Variants in ZNF462 observed in about 807,000 individuals in gnomAD.
The protein encoded by ZNF462 is zinc finger PBX1-interacting protein.
ZNF462 carries 10 observed loss-of-function variants against 201.9 expected under a neutral mutation model. The ratio of observed to expected loss-of-function variants is 0.05; its 90% confidence interval spans 0.03 to 0.08. The LOEUF is 0.08. Ranked by LOEUF, ZNF462 falls within the 10% of genes least tolerant of loss-of-function variation. ZNF462 has a pLI of 1.00. For missense variants in ZNF462, 2,523 were observed against 3,168.3 expected (o/e 0.80, Z 4.89); for synonymous variants, 1,227 against 1,193.3 (o/e 1.03, Z -0.58).
In ZNF462 at chr9:106,923,518, A is replaced by T; in HGVS notation, c.135A>T (p.Arg45=). The change falls in exon 2 of 13, where the codon CGA becomes CGT. Residue 45 remains arginine (R), a synonymous_variant. Coordinates refer to ENST00000277225, the MANE Select transcript of ZNF462 (RefSeq NM_021224.6). This position sits in a 1 kb window ranked among gnomAD's most constrained non-coding sequence, Gnocchi z 5.6. ...DVAEDNVNEL[R]CGSVNASNQT... ...CTGAGGACAATGTGAATGAGCTACG[A>T]TGTGGGTCCGTGAATGCCAGTAATC... 6.2e-7 allele frequency: 1 copy of T among 1,614,224 alleles called. No homozygotes were observed. Among genetic ancestry groups the T allele is most frequent in the South Asian group, 1.1e-5 (1 of 91,084 alleles).
At chr9:106,982,469 A>G (rs1827511364) in intron 9 of ZNF462, among the ~76,000 whole-genome samples, 1 of 152,184 alleles carries the variant, frequency 6.6e-6, no homozygotes, top group Non-Finnish European at 1.5e-5. Context: ...AAGATTTACT[A>G]GTTTATGCCA....
chr9:106,878,283 G>T (rs990194208), intron 1 of ZNF462, among the ~76,000 whole-genome samples: 13 of 152,172 alleles, frequency 8.5e-5, no homozygotes, highest in Non-Finnish European at 2.9e-5. Flanking sequence ...CCTGCCAGGG[G>T]CCCAATAAAT....
chr9:106,932,645 C>T lies in ZNF462; in HGVS notation c.6116+96C>T. 1 of 1,507,494 alleles carries T rather than the reference C, an allele frequency of 6.6e-7. No individual in the cohort carries two copies. 93.4% of individuals were successfully genotyped at this position (1,507,494 alleles called of 1,614,324 possible). On this transcript the variant is annotated intron_variant, in intron 5 of 12. Coordinates refer to ENST00000277225, the MANE Select transcript of ZNF462 (RefSeq NM_021224.6). The surrounding 1 kb of genome is among the most constrained non-coding windows in gnomAD (Gnocchi z 6.8). Reference sequence around the variant, plus strand: ...CAGAAGCTTGGATGAGTAAGAAGGCCCCACTCATGGTTCACACCTGCTGCT... The same window carrying T: ...CAGAAGCTTGGATGAGTAAGAAGGCTCCACTCATGGTTCACACCTGCTGCT...
rs1830166243 is a variant in ZNF462 at position 106,925,696 on chromosome 9, C to T, written c.1784C>T (p.Ala595Val). Residue 595 changes from alanine to valine, a missense_variant, in exon 3 of 13, where the codon GCA (alanine) becomes GTA (valine). Physicochemically the swap from Ala to Val is moderately conservative, Grantham distance 64. Transcript: ENST00000277225. The surrounding 1 kb of genome is among the most constrained non-coding windows in gnomAD (Gnocchi z 7.9). ...TQQPQPPTQA[A>V]PLHPYKCTMC... The stretch of plus-strand genomic sequence containing the variant: ...CAGCCACAGCCACCCACACAAGCCG[C>T]ACCTCTGCACCCATACAAATGCACC... The T allele has an allele frequency of 1.9e-6, 3 of 1,614,182 alleles. No homozygotes were observed. The highest frequency in any genetic ancestry group is 2.5e-6 in the Non-Finnish European group (3 of 1,180,038).
At chr9:106,908,060 G>A (rs1043429541) in intron 1 of ZNF462, among the ~76,000 whole-genome samples, 68 of 151,780 alleles carry the variant, frequency 4.5e-4, no homozygotes, top group African/African-American at 1.4e-3. Flanking sequence ...TAGAAATTGT[G>A]TACTATTTTT....
Position 106,993,699 on chromosome 9 carries a change from T to G in ZNF462, c.7056+9290T>G, listed in dbSNP as rs1292182765. 6.6e-6 allele frequency among the ~76,000 whole-genome samples: 1 copy of G among 150,856 alleles called. No homozygotes were observed. Among genetic ancestry groups the G allele is most frequent in the Non-Finnish European group, 1.5e-5 (1 of 67,786 alleles). Reference sequence around the variant, plus strand: ...ACCCCCCAACACACATAGTGAATTATTTATCAGTAATGCCCTTTATTAGCA... The same window carrying G: ...ACCCCCCAACACACATAGTGAATTAGTTATCAGTAATGCCCTTTATTAGCA... On this transcript the variant is annotated intron_variant, in intron 10 of 12. Transcript: ENST00000277225. This position sits in a 1 kb window ranked among gnomAD's most constrained non-coding sequence, Gnocchi z 4.0.
chr9:107,005,023 T>C lies in ZNF462; in HGVS notation c.7189+1597T>C, dbSNP rs1829454727. ...TAATGTAATGTTCTACAAGTTTATC[T>C]ATGTTGTCACAAATGACAGGATTTC... On this transcript the variant is annotated intron_variant, in intron 11 of 12. Coordinates refer to ENST00000277225, the MANE Select transcript of ZNF462 (RefSeq NM_021224.6). The surrounding 1 kb of genome is among the most constrained non-coding windows in gnomAD (Gnocchi z 4.4). Among the ~76,000 whole-genome samples, 1 of 152,194 alleles carries C rather than the reference T, an allele frequency of 6.6e-6. No homozygotes were observed. The highest frequency in any genetic ancestry group is 6.5e-5 in the Admixed American group (1 of 15,268).
At position 106,932,263 on chromosome 9, in the gene ZNF462, C is replaced by T; in HGVS notation, c.6013-183C>T. Reference sequence around the variant, plus strand: ...ATGTGTGTGTGTGTGGTTCTCTTAGCAGGAGGCGGATGACCCTGCCCACTT... The same window carrying T: ...ATGTGTGTGTGTGTGGTTCTCTTAGTAGGAGGCGGATGACCCTGCCCACTT... On this transcript the variant is annotated intron_variant, in intron 4 of 12. Transcript: ENST00000277225. This position sits in a 1 kb window ranked among gnomAD's most constrained non-coding sequence, Gnocchi z 6.8. The T allele has an allele frequency of 3.9e-6, 6 of 1,550,692 alleles. No homozygotes were observed. Among genetic ancestry groups the T allele is most frequent in the South Asian group, 1.2e-5 (1 of 84,074 alleles).
upstream of ZNF462, among the ~76,000 whole-genome samples, chr9:106,860,539 A>G (rs1827038990): frequency 6.6e-6 from 1 of 152,104 alleles, no homozygotes; most frequent in African/African-American, 2.4e-5. The surrounding 1 kb of genome is among the most constrained non-coding windows in gnomAD (Gnocchi z 7.1). Context: ...TTACGACCCA[A>G]GCCAACCCAG....
At chr9:106,971,868 G>A in intron 7 of ZNF462, 137 bp from the exon 8 acceptor site, 1 of 1,056,746 alleles carries the variant, frequency 9.5e-7, no homozygotes, top group Non-Finnish European at 1.4e-6. Context: ...TACACCTTAA[G>A]TATAAACAAT....
At position 106,928,425 on chromosome 9, in the gene ZNF462, C is replaced by G; in HGVS notation, c.4513C>G (p.Gln1505Glu). 1 of 1,614,170 alleles carries G rather than the reference C, an allele frequency of 6.2e-7. No individual in the cohort carries two copies. Among genetic ancestry groups the G allele is most frequent in the Non-Finnish European group, 8.5e-7 (1 of 1,180,036 alleles). The change falls in exon 3 of 13, where the codon CAG becomes GAG. Residue 1505 changes from glutamine (Q) to glutamate (E), a missense_variant. Gln to Glu is a conservative substitution (Grantham distance 29). This residue lies in a region of ZNF462 where 200 missense variants were observed against 281.3 expected (regional missense o/e 0.71). Transcript: ENST00000277225. The surrounding 1 kb of genome is among the most constrained non-coding windows in gnomAD (Gnocchi z 9.3). The stretch of plus-strand genomic sequence containing the variant: ...GAAAGTGAAGGCTGCTGACTTTGCC[C>G]AGGACATTGACATCAACCCAGGTGC... ...GMKVKAADFA[Q>E]DIDINPGAVY...
At chr9:106,980,840 G>C (rs890752891) in intron 9 of ZNF462, among the ~76,000 whole-genome samples, 3 of 152,096 alleles carry the variant, frequency 2.0e-5, no homozygotes, top group African/African-American at 7.2e-5. Context: ...ATTTTGAGAG[G>C]TGTGAAGTCA....
rs1829914691 is a variant in ZNF462, at chr9:107,011,350, A to AT, written c.*321dup. On this transcript the variant is annotated 3_prime_UTR_variant, in exon 13 of 13. Transcript: ENST00000277225. The surrounding 1 kb of genome is among the most constrained non-coding windows in gnomAD (Gnocchi z 5.6). ...GCACCCTGTGGTGGTCTTGGACAGT[A>AT]TGTGGAAACAGAAGCTCCATGACGG... 8.8e-6 allele frequency: 2 copies of AT among 227,878 alleles called. No homozygotes were observed. Among genetic ancestry groups the AT allele is most frequent in the African/African-American group, 2.3e-5 (1 of 43,578 alleles). The allele number at this position is 227,878 out of a possible 1,614,324, so 14.1% of individuals were successfully genotyped here.
intron 1 of ZNF462, among the ~76,000 whole-genome samples, chr9:106,914,675 G>T (rs1829695018): frequency 6.6e-6 from 1 of 152,200 alleles, no homozygotes; most frequent in Non-Finnish European, 1.5e-5. Context: ...GACAGACCTA[G>T]ACTCCTTCTA....
intron 1 of ZNF462, among the ~76,000 whole-genome samples, chr9:106,866,399 C>T (rs779489044): frequency 6.6e-6 from 1 of 152,124 alleles, no homozygotes; most frequent in East Asian, 1.9e-4. Context: ...ATTTTTCAAA[C>T]CAAACTGTTG....
chr9:106,972,400 G>C lies in ZNF462; in HGVS notation c.6695+128G>C. 2 of 1,343,580 alleles carry C rather than the reference G, an allele frequency of 1.5e-6. No individual in the cohort carries two copies. Among genetic ancestry groups the C allele is most frequent in the Non-Finnish European group, 2.0e-6 (2 of 992,330 alleles). The allele number at this position is 1,343,580 out of a possible 1,614,324, so 83.2% of individuals were successfully genotyped here. A position where few individuals can be genotyped will look rare whatever the true frequency, so the allele number is the denominator to read the frequency against. On this transcript the variant is annotated intron_variant, in intron 8 of 12. Transcript: ENST00000277225. The surrounding 1 kb of genome is among the most constrained non-coding windows in gnomAD (Gnocchi z 4.8). The stretch of plus-strand genomic sequence containing the variant: ...GCCCTGCCCATGTGATGATGTAGGG[G>C]TTGGGTCCAGGCTTCATGGAAGGAG...
At chr9:106,868,978 A>G (rs1827467559) in intron 1 of ZNF462, among the ~76,000 whole-genome samples, 1 of 151,994 alleles carries the variant, frequency 6.6e-6, no homozygotes, top group South Asian at 2.1e-4. Flanking sequence ...GACATTCAGT[A>G]AAGTGTTAGC....
rs1418866615 is a variant in ZNF462, at chr9:106,923,587, T to C, written c.204T>C (p.Ile68=). 1 of 1,614,124 alleles carries C rather than the reference T, an allele frequency of 6.2e-7. No individual in the cohort carries two copies. The highest frequency in any genetic ancestry group is 8.5e-7 in the Non-Finnish European group (1 of 1,180,054). The part of the protein sequence containing the change: ...EFSSIKDEFA[I]AEDLSGQNAT... ...CTTCTATAAAGGATGAATTTGCCAT[T>C]GCAGAAGATTTATCAGGTAAATCTA... The change falls in exon 2 of 13, where the codon ATT becomes ATC. Residue 68 remains isoleucine (I), a synonymous_variant. Transcript: ENST00000277225. The surrounding 1 kb of genome is among the most constrained non-coding windows in gnomAD (Gnocchi z 5.6).
chr9:106,891,295 TATTTA>T, intron 1 of ZNF462, among the ~76,000 whole-genome samples: 1 of 152,372 alleles, frequency 6.6e-6, no homozygotes, highest in African/African-American at 2.4e-5. Flanking sequence ...TAAAATCTAA[TATTTA>T]ATTCCAAAAT....
Sources: allele counts gnomAD v4.1 joint callset (sites outside exome capture counted in the v4.1 genomes callset), GRCh38; gene constraint gnomAD v4.1.1; regional missense constraint gnomAD v4.1.1; non-coding constraint Gnocchi (gnomAD v3.1); transcripts MANE v1.5; gene names NCBI Gene and HGNC (gene_info 2026-07-23, HGNC 2026-07-21).